Variants in FTO observed in about 807,000 individuals in gnomAD.
The protein encoded by FTO is FTO alpha-ketoglutarate dependent dioxygenase.
FTO carries 47 observed loss-of-function variants against 63.9 expected under a neutral mutation model. The ratio of observed to expected loss-of-function variants is 0.74; its 90% CI spans 0.58 to 0.94. The LOEUF (loss-of-function observed/expected upper bound fraction) is 0.94. FTO is among the 40% of genes least tolerant of loss of function. The pLI is 0.00. For missense variants in FTO, 562 were observed against 618.1 expected (o/e 0.91, Z 0.96); for synonymous variants, 207 against 224.4 (o/e 0.92, Z 0.69).
chr16:53,870,283 G>A (rs1211507699), intron 4 of FTO, among the ~76,000 whole-genome samples: 1 of 152,128 alleles, frequency 6.6e-6, no homozygotes, highest in Admixed American at 6.6e-5. Context: ...ATGAGAAGAT[G>A]TTTTTGGATC....
At chr16:54,048,120 AAAAATT>A (rs1288254906) in intron 8 of FTO, among the ~76,000 whole-genome samples, 2 of 99,536 alleles carry the variant, frequency 2.0e-5, no homozygotes, top group African/African-American at 1.5e-4. Context: ...AATAAAAAAA[AAAAATT>A]AAAAAAAAAA....
At chr16:53,916,287 A>AT (rs2151948574) in intron 7 of FTO, among the ~76,000 whole-genome samples, 1 of 152,290 alleles carries the variant, frequency 6.6e-6, no homozygotes, top group South Asian at 2.1e-4. Flanking sequence ...ACTGATGCCT[A>AT]TTACTGCTTA....
intron 1 of FTO, among the ~76,000 whole-genome samples, chr16:53,712,225 A>G (rs2075791518): frequency 6.6e-6 from 1 of 152,130 alleles, no homozygotes; most frequent in South Asian, 2.1e-4. Context: ...TTTGGAGTCT[A>G]CTTTTATTAT....
chr16:53,913,931 A>G (rs1033592776), intron 7 of FTO, among the ~76,000 whole-genome samples: 2 of 150,878 alleles, frequency 1.3e-5, no homozygotes, highest in African/African-American at 4.9e-5. Context: ...GTGAGCCGAG[A>G]CCACACCACT....
At position 54,028,195 on chromosome 16, in the gene FTO, G is replaced by A. The variant is rs549542141; in HGVS notation, c.1365-83567G>A. 8.0e-4 allele frequency among the ~76,000 whole-genome samples: 122 copies of A among 152,212 alleles called. 1 individual carries two copies. Among genetic ancestry groups the A allele is most frequent in the Non-Finnish European group, 1.3e-3 (89 of 68,012 alleles). On this transcript the variant is annotated intron_variant, in intron 8 of 8. Coordinates refer to ENST00000471389, the MANE Select transcript of FTO (RefSeq NM_001080432.3). ...TCTAATCTGTCATTAGTTGACAGTC[G>A]CTGCAGGCAGAGTGAAAACTTGGCA...
chr16:53,767,556 T>G (rs2077239292), intron 1 of FTO, among the ~76,000 whole-genome samples: 1 of 152,010 alleles, frequency 6.6e-6, no homozygotes, highest in South Asian at 2.1e-4. Flanking sequence ...TTATTTTTAC[T>G]TTTTTACTTT....
At chr16:53,878,340 C>G (rs914173657) in intron 5 of FTO, among the ~76,000 whole-genome samples, 2 of 151,918 alleles carry the variant, frequency 1.3e-5, no homozygotes, top group African/African-American at 4.8e-5. Context: ...TGCTGTGGGA[C>G]AAAAATGAGT....
intron 8 of FTO, among the ~76,000 whole-genome samples, chr16:53,950,565 T>G (rs959131057): frequency 2.0e-5 from 3 of 152,186 alleles, no homozygotes; most frequent in Non-Finnish European, 2.9e-5. Context: ...TTAAAAAATT[T>G]TAATCCACGT....
chr16:53,812,175 C>T (rs2078547040), intron 2 of FTO, among the ~76,000 whole-genome samples: 1 of 152,126 alleles, frequency 6.6e-6, no homozygotes, highest in African/African-American at 2.4e-5. Context: ...ATGTCATCTC[C>T]TGTAGGAAGC....
chr16:53,903,260 T>TG (rs971765479), intron 7 of FTO, among the ~76,000 whole-genome samples: 1 of 151,836 alleles, frequency 6.6e-6, no homozygotes, highest in Non-Finnish European at 1.5e-5. Flanking sequence ...ATTCTAGTTT[T>TG]TTTTTTTTTT....
intron 1 of FTO, among the ~76,000 whole-genome samples, chr16:53,732,211 G>A (rs2076289351): frequency 6.6e-6 from 1 of 151,756 alleles, no homozygotes; most frequent in South Asian, 2.1e-4. Flanking sequence ...ACCACGCCCG[G>A]CTAATTTCTT....
chr16:54,006,058 T>C (rs1455983372), intron 8 of FTO, among the ~76,000 whole-genome samples: 2 of 152,208 alleles, frequency 1.3e-5, no homozygotes, highest in Non-Finnish European at 2.9e-5. Flanking sequence ...TGATGAGCAG[T>C]TCCAGAAAGG....
chr16:53,776,575 CTAAAACAGGAACTTT>C (rs1158179707), intron 1 of FTO, among the ~76,000 whole-genome samples: 12 of 152,116 alleles, frequency 7.9e-5, no homozygotes, highest in African/African-American at 2.4e-4. Context: ...GTACTGGGAA[CTAAAACAGGAACTTT>C]TAAAAGCCTT....
chr16:53,711,421 C>T, intron 1 of FTO: 1 of 398,576 alleles, frequency 2.5e-6, no homozygotes, highest in Non-Finnish European at 4.4e-6. Flanking sequence ...ATGGCAGACA[C>T]AGTCCCATGG....
chr16:53,722,124 C>T (rs2076054204), intron 1 of FTO, among the ~76,000 whole-genome samples: 1 of 152,160 alleles, frequency 6.6e-6, no homozygotes, highest in Admixed American at 6.5e-5. Flanking sequence ...TTCCATTCAT[C>T]TCTTTCCTTA....
chr16:54,042,157 G>A (rs1359670736), intron 8 of FTO, among the ~76,000 whole-genome samples: 2 of 151,472 alleles, frequency 1.3e-5, no homozygotes, highest in East Asian at 2.0e-4. Flanking sequence ...CGTGAGTGAC[G>A]CAGAAGACGG....
At chr16:53,819,464 G>T (rs774298145) in intron 2 of FTO, among the ~76,000 whole-genome samples, 1 of 152,032 alleles carries the variant, frequency 6.6e-6, no homozygotes, top group Admixed American at 6.6e-5. Context: ...GAGCCACCAC[G>T]CCCAGGCAGT....
intron 8 of FTO, among the ~76,000 whole-genome samples, chr16:54,076,305 G>A (rs2085991700): frequency 6.6e-6 from 1 of 152,224 alleles, no homozygotes; most frequent in Non-Finnish European, 1.5e-5. Context: ...TATGCCAGCA[G>A]TAGGACTGAG....
In FTO at chr16:53,844,146, T is replaced by C. The variant is rs1486466389; in HGVS notation, c.752-9T>C. On this transcript the variant is annotated splice_polypyrimidine_tract_variant and intron_variant, in intron 3 of 8. Transcript: ENST00000471389. ...TTTCCTTTCTGATCATTTTCTTCTC[T>C]TTTGGCAGGCCCTGAAGAGGAAAGT... 2 of 1,612,048 alleles carry C rather than the reference T, an allele frequency of 1.2e-6. No homozygotes were observed. The highest frequency in any genetic ancestry group is 1.3e-5 in the African/African-American group (1 of 74,920).
Sources: allele counts gnomAD v4.1 joint callset (sites outside exome capture counted in the v4.1 genomes callset), GRCh38; gene constraint gnomAD v4.1.1; transcripts MANE v1.5; gene names NCBI Gene and HGNC (gene_info 2026-07-23, HGNC 2026-07-21).